Variants in PHEX observed in about 807,000 individuals in gnomAD.
PHEX encodes phosphate regulating endopeptidase X-linked, also known as phosphate-regulating neutral endopeptidase PHEX.
A neutral mutation model predicts 68.0 loss-of-function variants in PHEX; 16 were observed. The observed-to-expected ratio is 0.24, with a 90% CI of 0.16 to 0.36. The LOEUF (loss-of-function observed/expected upper bound fraction) is 0.36. Among genes scored for constraint, PHEX ranks in the 10% least tolerant of loss-of-function variants. The probability of loss-of-function intolerance (pLI) is 1.00; values close to 1 mark genes in which losing one functional copy is unlikely to be tolerated. For missense variants in PHEX, 480 were observed against 575.5 expected, an observed-to-expected ratio of 0.83 and a Z score of 1.70; for synonymous variants, 208 against 205.1, an observed-to-expected ratio of 1.01 and a Z score of -0.12.
intron 16 of PHEX, among the ~76,000 whole-genome samples, chrX:22,215,033 T>G (rs1482816683): frequency 8.9e-6 from 1 of 111,799 alleles, no homozygotes; most frequent in Non-Finnish European, 1.9e-5. Context: ...TATAATTCTT[T>G]GATTCTGCTT....
chrX:22,115,263 G>A (rs1357394998), intron 11 of PHEX, among the ~76,000 whole-genome samples: 1 of 112,082 alleles, frequency 8.9e-6, no homozygotes, highest in African/African-American at 3.2e-5. Flanking sequence ...CCCCGGAGGC[G>A]GAGGTTGCAG....
intron 11 of PHEX, among the ~76,000 whole-genome samples, chrX:22,117,803 C>T (rs774357445): frequency 9.0e-6 from 1 of 110,969 alleles, no homozygotes; most frequent in African/African-American, 3.3e-5. Flanking sequence ...ATCTCTTTAA[C>T]GTAAAATTGT....
chrX:22,096,903 C>G (rs367802921), intron 7 of PHEX, 52 bp from the exon 8 acceptor site: 2 of 917,450 alleles, frequency 2.2e-6, no homozygotes, highest in African/African-American at 3.9e-5. Flanking sequence ...AGTAATCATA[C>G]AGTAAGAAAT....
At chrX:22,121,336 T>A (rs1931478533) in intron 11 of PHEX, among the ~76,000 whole-genome samples, 1 of 111,741 alleles carries the variant, frequency 8.9e-6, no homozygotes, top group South Asian at 3.7e-4. Context: ...GAAATTCTTG[T>A]TAAACCAACT....
intron 14 of PHEX, among the ~76,000 whole-genome samples, chrX:22,188,262 T>C (rs1434513063): frequency 8.9e-6 from 1 of 112,305 alleles, no homozygotes; most frequent in Non-Finnish European, 1.9e-5. Context: ...AAGTTTTTTT[T>C]TTCTTTTTAA....
intron 12 of PHEX, among the ~76,000 whole-genome samples, chrX:22,163,627 A>G (rs1933213723): frequency 9.0e-6 from 1 of 111,544 alleles, no homozygotes; most frequent in Non-Finnish European, 1.9e-5. Flanking sequence ...ACAGCCTAGG[A>G]AATATTTCTT....
chrX:22,202,583 CT>C (rs1295329524), intron 15 of PHEX, among the ~76,000 whole-genome samples: 1 of 111,930 alleles, frequency 8.9e-6, no homozygotes, highest in Non-Finnish European at 1.9e-5. Context: ...AGTTTTTTGT[CT>C]AACTGATATA....
chrX:22,165,012 C>G (rs893743085), intron 12 of PHEX, among the ~76,000 whole-genome samples: 3 of 112,182 alleles, frequency 2.7e-5, no homozygotes, highest in Non-Finnish European at 5.6e-5. Context: ...TTGTAAAATC[C>G]TAAGTCTTGA....
intron 3 of PHEX, among the ~76,000 whole-genome samples, chrX:22,059,175 C>G (rs905422717): frequency 1.8e-5 from 2 of 111,649 alleles, no homozygotes. Context: ...AGTCTTCCCA[C>G]AAGAGGGCTG....
intron 16 of PHEX, among the ~76,000 whole-genome samples, chrX:22,213,367 T>C (rs773973224): frequency 2.3e-3 from 260 of 111,671 alleles, no homozygotes; most frequent in Non-Finnish European, 3.4e-3. Context: ...AAATGGTATA[T>C]GAAAGGAAGT....
intron 13 of PHEX, 90 bp downstream of exon 13, chrX:22,168,479 C>A: frequency 1.7e-6 from 1 of 595,251 alleles, no homozygotes; most frequent in Non-Finnish European, 2.9e-6. Flanking sequence ...GCAATTAAAA[C>A]TGGTGATGCC....
chrX:22,159,439 AGT>A (rs1322015676), intron 12 of PHEX, among the ~76,000 whole-genome samples: 1 of 112,066 alleles, frequency 8.9e-6, no homozygotes, highest in Non-Finnish European at 1.9e-5. Flanking sequence ...TGAGCCCAGG[AGT>A]TTGAGACCTG....
intron 2 of PHEX, among the ~76,000 whole-genome samples, chrX:22,042,522 C>T (rs769994635): frequency 2.7e-5 from 3 of 112,607 alleles, no homozygotes; most frequent in Admixed American, 9.4e-5. Flanking sequence ...CGGTGGCTCT[C>T]GCCTGCCACC....
intron 5 of PHEX, among the ~76,000 whole-genome samples, chrX:22,083,995 G>A (rs1053011246): frequency 2.7e-5 from 3 of 112,004 alleles, no homozygotes; most frequent in Admixed American, 9.5e-5. Flanking sequence ...TTTACTTTTT[G>A]AGGTGTGTTC....
intron 20 of PHEX, among the ~76,000 whole-genome samples, chrX:22,230,384 C>T (rs905102346): frequency 1.9e-5 from 2 of 107,383 alleles, no homozygotes; most frequent in African/African-American, 3.4e-5. Flanking sequence ...GCCATTTTCA[C>T]GATATTGATT....
rs1365840150 is a variant in PHEX, at chrX:22,164,114, C to T, written c.1405-4198C>T. On this transcript the variant is annotated intron_variant, in intron 12 of 21. Coordinates refer to ENST00000379374, the MANE Select transcript of PHEX (RefSeq NM_000444.6). The stretch of plus-strand genomic sequence containing the variant: ...ACCAACAGCAAATGAATGGCATCTC[C>T]TCTTCTACCTTTGGAATTGCCTATG... Among the ~76,000 whole-genome samples the T allele has an allele frequency of 8.1e-5, 9 of 111,782 alleles. No individual in the cohort carries two copies. The East Asian group carries it at 2.5e-3, about 31-fold the overall frequency.
At chrX:22,177,653 C>T (rs1206657638) in intron 13 of PHEX, among the ~76,000 whole-genome samples, 1 of 112,099 alleles carries the variant, frequency 8.9e-6, no homozygotes, top group East Asian at 2.8e-4. Context: ...TATGATTTGC[C>T]TCTGTAATTT....
chrX:22,109,059 C>A (rs1386357866), intron 9 of PHEX, among the ~76,000 whole-genome samples: 3 of 111,014 alleles, frequency 2.7e-5, no homozygotes, highest in Admixed American at 9.7e-5. Context: ...AAAATTCTTG[C>A]AGGAAACAGG....
chrX:22,125,571 A>G (rs1011110461), intron 11 of PHEX, among the ~76,000 whole-genome samples: 1 of 110,804 alleles, frequency 9.0e-6, no homozygotes, highest in African/African-American at 3.3e-5. Flanking sequence ...GCTGTTTGTC[A>G]TGTACCATGT....
Sources: allele counts gnomAD v4.1 joint callset (sites outside exome capture counted in the v4.1 genomes callset), GRCh38; gene constraint gnomAD v4.1.1; transcripts MANE v1.5; gene names NCBI Gene and HGNC (gene_info 2026-07-23, HGNC 2026-07-21).